The following NRG2 variants were observed in gnomAD, a reference collection of about 807,000 sequenced individuals.
NRG2 encodes neuregulin 2.
NRG2 carries 27 observed loss-of-function variants against 73.9 expected under a neutral mutation model. That is an observed-to-expected ratio of 0.37 (90% CI 0.27 to 0.50). The LOEUF is 0.50. Among genes scored for constraint, NRG2 ranks in the 20% least tolerant of loss-of-function variants. NRG2 has a pLI of 0.96. For missense variants in NRG2, 1,126 were observed against 1,210.1 expected, an observed-to-expected ratio of 0.93 and a Z score of 1.03; for synonymous variants, 532 against 541.0, an observed-to-expected ratio of 0.98 and a Z score of 0.23.
In NRG2 at chr5:139,885,513, G is replaced by A. The variant is rs151049244; in HGVS notation, c.872+1827C>T. Among the ~76,000 whole-genome samples the A allele has an allele frequency of 9.1e-3, 1,381 of 152,314 alleles. 22 individuals are homozygous for A. The highest frequency in any genetic ancestry group is 0.032 in the African/African-American group (1,342 of 41,574). On this transcript the variant is annotated intron_variant, in intron 2 of 9. Transcript: ENST00000361474. ...GAGAGTGCGCAGTCAGTGGGCATGA[G>A]GCTAGCTCCCTCAGTGACTTCATAT...
intron 1 of NRG2, among the ~76,000 whole-genome samples, chr5:139,966,343 A>G (rs1200390241): frequency 6.6e-6 from 1 of 152,238 alleles, no homozygotes; most frequent in African/African-American, 2.4e-5. Context: ...CTGGAATGTG[A>G]GGATCCCTCC....
At chr5:139,898,219 G>C (rs1283968991) in intron 1 of NRG2, among the ~76,000 whole-genome samples, 1 of 152,244 alleles carries the variant, frequency 6.6e-6, no homozygotes, top group Non-Finnish European at 1.5e-5. Flanking sequence ...GAGAGAACAT[G>C]TGCCAGGCAA....
intron 1 of NRG2, among the ~76,000 whole-genome samples, chr5:140,036,791 C>T (rs954796213): frequency 1.3e-5 from 2 of 152,176 alleles, no homozygotes; most frequent in Admixed American, 6.5e-5. Flanking sequence ...CACTTCAGAT[C>T]TTGCAAAGAA....
chr5:139,900,319 G>C (rs1364928207), intron 1 of NRG2, among the ~76,000 whole-genome samples: 2 of 152,214 alleles, frequency 1.3e-5, no homozygotes, highest in Non-Finnish European at 2.9e-5. Flanking sequence ...TAGAAGCTCA[G>C]TTAATGCCTG....
intron 1 of NRG2, among the ~76,000 whole-genome samples, chr5:139,945,729 T>TA (rs1260174613): frequency 2.0e-5 from 3 of 151,846 alleles, no homozygotes; most frequent in African/African-American, 7.3e-5. Context: ...AGGAGTCTAC[T>TA]AAAAAAAGCC....
At chr5:139,985,852 T>A (rs1757134123) in intron 1 of NRG2, among the ~76,000 whole-genome samples, 2 of 152,210 alleles carry the variant, frequency 1.3e-5, no homozygotes, top group South Asian at 4.2e-4. Flanking sequence ...CTCAGGGCAA[T>A]TATCCACACT....
chr5:139,951,808 C>A (rs969139527), intron 1 of NRG2, among the ~76,000 whole-genome samples: 14 of 152,334 alleles, frequency 9.2e-5, no homozygotes, highest in African/African-American at 3.4e-4. Context: ...CACGCCCTCC[C>A]CCTGGCTCAC....
chr5:140,033,927 A>G (rs977669032), intron 1 of NRG2, among the ~76,000 whole-genome samples: 26 of 151,962 alleles, frequency 1.7e-4, no homozygotes, highest in African/African-American at 5.6e-4. Context: ...AACTTGCCCA[A>G]TATCACCCAG....
rs1762749698 is a variant in NRG2 at position 139,870,199 on chromosome 5, T to C, written c.1112+1522A>G. Reference sequence around the variant, plus strand: ...CAAGTTTCACAGCTAGAATGTTCCCTAGGGTCTGTCATACTAACATGGCAG... The same window carrying C: ...CAAGTTTCACAGCTAGAATGTTCCCCAGGGTCTGTCATACTAACATGGCAG... On this transcript the variant is annotated intron_variant, in intron 4 of 9. Transcript: ENST00000361474. This position sits in a 1 kb window ranked among gnomAD's most constrained non-coding sequence, Gnocchi z 4.4. 6.6e-6 allele frequency among the ~76,000 whole-genome samples: 1 copy of C among 152,044 alleles called. No homozygotes were observed. Among genetic ancestry groups the C allele is most frequent in the Non-Finnish European group, 1.5e-5 (1 of 68,020 alleles).
chr5:140,022,931 T>G (rs377407715), intron 1 of NRG2, among the ~76,000 whole-genome samples: 19 of 152,298 alleles, frequency 1.2e-4, no homozygotes, highest in African/African-American at 4.1e-4. Context: ...TGACCCTTTT[T>G]TCTCCTTCAT....
Position 139,971,625 on chromosome 5 carries a change from TGAG to T in NRG2, c.700+70742_700+70744del, listed in dbSNP as rs1440650199. Among the ~76,000 whole-genome samples, 11 of 152,326 alleles carry T rather than the reference TGAG, an allele frequency of 7.2e-5. No homozygotes were observed. In the East Asian group the frequency reaches 2.1e-3, roughly 29 times the overall value. ...AAAAAATCAAGCATTCTCAAGTGCA[TGAG>T]CAATATGCAATTAGAAAATATAATG... On this transcript the variant is annotated intron_variant, in intron 1 of 9. Transcript: ENST00000361474.
At chr5:139,978,124 C>T (rs1756514911) in intron 1 of NRG2, among the ~76,000 whole-genome samples, 1 of 152,144 alleles carries the variant, frequency 6.6e-6, no homozygotes, top group East Asian at 1.9e-4. Flanking sequence ...AGCTTCTGCA[C>T]AGCAAAAGAA....
At chr5:139,914,333 C>T (rs1235519551) in intron 1 of NRG2, among the ~76,000 whole-genome samples, 2 of 152,122 alleles carry the variant, frequency 1.3e-5, no homozygotes, top group Non-Finnish European at 2.9e-5. Context: ...AGTGGTGCTC[C>T]AAACCCCACA....
chr5:139,861,387 T>G (rs1446500597), intron 5 of NRG2, among the ~76,000 whole-genome samples: 1 of 152,176 alleles, frequency 6.6e-6, no homozygotes, highest in African/African-American at 2.4e-5. Context: ...CTCATCTACT[T>G]CCTGATAGGG....
At chr5:139,953,610 T>C (rs965484212) in intron 1 of NRG2, among the ~76,000 whole-genome samples, 7 of 152,188 alleles carry the variant, frequency 4.6e-5, no homozygotes, top group Non-Finnish European at 8.8e-5. Context: ...CAGCGTTTTC[T>C]GGAACACTGA....
chr5:139,880,431 T>C (rs1763456067), intron 3 of NRG2, among the ~76,000 whole-genome samples: 1 of 152,102 alleles, frequency 6.6e-6, no homozygotes, highest in South Asian at 2.1e-4. Context: ...TGCCCACCCA[T>C]GGCCCAGTGG....
chr5:139,918,125 A>G (rs1751402996), intron 1 of NRG2, among the ~76,000 whole-genome samples: 1 of 152,188 alleles, frequency 6.6e-6, no homozygotes, highest in South Asian at 2.1e-4. Context: ...CACAATTGTG[A>G]AAGAGACTAC....
intron 1 of NRG2, among the ~76,000 whole-genome samples, chr5:139,922,255 A>ATT (rs1751729643): frequency 6.6e-6 from 1 of 152,188 alleles, no homozygotes; most frequent in Non-Finnish European, 1.5e-5. Context: ...GAACTCAACA[A>ATT]TGAAACAAAG....
chr5:140,039,208 A>C (rs993949008), intron 1 of NRG2, among the ~76,000 whole-genome samples: 1 of 152,246 alleles, frequency 6.6e-6, no homozygotes, highest in African/African-American at 2.4e-5. Flanking sequence ...TAAAAACATG[A>C]ATATAAGAAA....
Sources: allele counts gnomAD v4.1 joint callset (sites outside exome capture counted in the v4.1 genomes callset), GRCh38; gene constraint gnomAD v4.1.1; non-coding constraint Gnocchi (gnomAD v3.1); transcripts MANE v1.5; gene names NCBI Gene and HGNC (gene_info 2026-07-23, HGNC 2026-07-21).